Variants in KLHL29 observed in about 807,000 individuals in gnomAD.
KLHL29 encodes the protein kelch like family member 29, also known as kelch-like protein 29.
Under a neutral mutation model 80.4 loss-of-function variants are expected in KLHL29, and 21 were observed. That is an observed-to-expected ratio of 0.26 (90% CI 0.19 to 0.38). The LOEUF (loss-of-function observed/expected upper bound fraction) is 0.38. Among genes scored for constraint, KLHL29 ranks in the 10% least tolerant of loss-of-function variants. KLHL29 has a pLI of 1.00. For missense variants in KLHL29, 867 were observed against 1,223.9 expected (o/e 0.71, Z 4.35); for synonymous variants, 511 against 526.8 (o/e 0.97, Z 0.41).
chr2:23,619,545 G>A (rs1439330775), intron 3 of KLHL29, among the ~76,000 whole-genome samples: 2 of 152,196 alleles, frequency 1.3e-5, no homozygotes, highest in Non-Finnish European at 2.9e-5. Flanking sequence ...GAAGCAGGCT[G>A]TGCCCATGAT....
In KLHL29 at chr2:23,490,548, G is replaced by A. The variant is rs77697552; in HGVS notation, c.-46+14881G>A. 3.8e-3 allele frequency among the ~76,000 whole-genome samples: 578 copies of A among 152,182 alleles called. 6 individuals carry two copies. Among genetic ancestry groups the A allele is most frequent in the African/African-American group, 0.013 (554 of 41,512 alleles). On this transcript the variant is annotated intron_variant, in intron 2 of 13. Coordinates refer to ENST00000486442, the MANE Select transcript of KLHL29 (RefSeq NM_052920.2). ...AGGTAATTAGGCTTTGTTTTTTTCC[G>A]CTGCTTGGTCAAAAGCCCCCTTCTC...
chr2:23,410,139 C>G (rs1298703902), intron 1 of KLHL29, among the ~76,000 whole-genome samples: 1 of 152,180 alleles, frequency 6.6e-6, no homozygotes, highest in Admixed American at 6.5e-5. Flanking sequence ...GTCTTTATTG[C>G]AAGAGCACTG....
chr2:23,495,709 G>A (rs746576076), intron 2 of KLHL29, among the ~76,000 whole-genome samples: 4 of 152,146 alleles, frequency 2.6e-5, no homozygotes, highest in Non-Finnish European at 5.9e-5. Context: ...ATCGTGTCAG[G>A]GCCAGGGCTC....
Position 23,703,711 on chromosome 2 carries a change from C to T in KLHL29, c.2300-8C>T, listed in dbSNP as rs1403870445. The T allele has an allele frequency of 8.5e-6, 13 of 1,534,160 alleles. No homozygotes were observed. Among genetic ancestry groups the T allele is most frequent in the Non-Finnish European group, 1.1e-5 (13 of 1,145,464 alleles). On this transcript the variant is annotated splice_region_variant and splice_polypyrimidine_tract_variant and intron_variant, in intron 12 of 13. Transcript: ENST00000486442. The stretch of plus-strand genomic sequence containing the variant: ...TGCCGTGACCTGCCTGCTCTGCTCT[C>T]CTCACAGACAACAAGTATGCCCCCG...
At chr2:23,386,311 G>A (rs1666181642) in intron 1 of KLHL29, among the ~76,000 whole-genome samples, 1 of 152,144 alleles carries the variant, frequency 6.6e-6, no homozygotes. Flanking sequence ...CGCGTCCTCT[G>A]ATCTCGCATT....
chr2:23,601,000 G>C (rs1446028715), intron 3 of KLHL29, among the ~76,000 whole-genome samples: 7 of 152,220 alleles, frequency 4.6e-5, no homozygotes, highest in African/African-American at 1.7e-4. Context: ...ACAACCCTGT[G>C]ATGTAGGTAT....
chr2:23,623,251 C>G (rs990145078), intron 3 of KLHL29, among the ~76,000 whole-genome samples: 1 of 152,180 alleles, frequency 6.6e-6, no homozygotes, highest in African/African-American at 2.4e-5. Flanking sequence ...CTCATGGTGC[C>G]CAGCATCCCT....
At chr2:23,602,230 A>ACGT (rs1668590336) in intron 3 of KLHL29, among the ~76,000 whole-genome samples, 1 of 152,146 alleles carries the variant, frequency 6.6e-6, no homozygotes, top group African/African-American at 2.4e-5. Flanking sequence ...GCAAGACATG[A>ACGT]CGTCGTTCCT....
chr2:23,461,067 C>A, intron 1 of KLHL29, among the ~76,000 whole-genome samples: 1 of 152,206 alleles, frequency 6.6e-6, no homozygotes, highest in Non-Finnish European at 1.5e-5. Flanking sequence ...CGGTGGCTGA[C>A]AAAATCAAAC....
chr2:23,451,366 G>A (rs543819068), intron 1 of KLHL29, among the ~76,000 whole-genome samples: 2 of 152,266 alleles, frequency 1.3e-5, no homozygotes, highest in South Asian at 4.2e-4. Context: ...TTCCCTGAAG[G>A]CCTTTCTAGC....
Position 23,669,781 on chromosome 2 carries a change from G to C in KLHL29, c.941-14618G>C, listed in dbSNP as rs777851822. 6.6e-6 allele frequency among the ~76,000 whole-genome samples: 1 copy of C among 152,160 alleles called. No homozygotes were observed. Among genetic ancestry groups the C allele is most frequent in the Non-Finnish European group, 1.5e-5 (1 of 68,032 alleles). ...GCCCCCAGAACCCAGGGCTGCAGCC[G>C]AGTACACAGGCCTGGCCCCGCCAGC... On this transcript the variant is annotated intron_variant, in intron 5 of 13. Transcript: ENST00000486442. The surrounding 1 kb of genome is among the most constrained non-coding windows in gnomAD (Gnocchi z 4.3).
chr2:23,543,839 C>T (rs1666913464), intron 2 of KLHL29, among the ~76,000 whole-genome samples: 1 of 152,124 alleles, frequency 6.6e-6, no homozygotes, highest in African/African-American at 2.4e-5. Flanking sequence ...TCCACCACTC[C>T]AGATGCTGGT....
intron 3 of KLHL29, among the ~76,000 whole-genome samples, chr2:23,620,074 C>T (rs1408384431): frequency 6.6e-6 from 1 of 152,152 alleles, no homozygotes; most frequent in African/African-American, 2.4e-5. Flanking sequence ...GGCCACTGAG[C>T]TGAGTCCCTG....
chr2:23,429,827 C>T (rs2103407557), intron 1 of KLHL29, among the ~76,000 whole-genome samples: 1 of 152,234 alleles, frequency 6.6e-6, no homozygotes, highest in South Asian at 2.1e-4. Context: ...CTATAACACC[C>T]CTTTCCCTTC....
intron 5 of KLHL29, among the ~76,000 whole-genome samples, chr2:23,646,745 C>T (rs1669945428): frequency 6.6e-6 from 1 of 152,208 alleles, no homozygotes; most frequent in South Asian, 2.1e-4. Context: ...TGCATTCATC[C>T]CTGTCTTCAC....
intron 1 of KLHL29, among the ~76,000 whole-genome samples, chr2:23,405,886 A>T (rs1237484072): frequency 6.6e-6 from 1 of 152,208 alleles, no homozygotes; most frequent in Admixed American, 6.5e-5. Context: ...GCCTTAAAGG[A>T]TGGGTAGGTG....
chr2:23,579,716 G>A (rs1474407335), intron 3 of KLHL29, among the ~76,000 whole-genome samples: 1 of 151,914 alleles, frequency 6.6e-6, no homozygotes, highest in Non-Finnish European at 1.5e-5. Flanking sequence ...TTCTAAATGT[G>A]CAGTTACTCC....
At chr2:23,564,046 A>G (rs774106601) in intron 3 of KLHL29, among the ~76,000 whole-genome samples, 5 of 152,200 alleles carry the variant, frequency 3.3e-5, no homozygotes, top group African/African-American at 4.8e-5. Context: ...TGTTGGCCAT[A>G]TGGAGAATGG....
At position 23,407,700 on chromosome 2, in the gene KLHL29, G is replaced by A. The variant is rs1032290176; in HGVS notation, c.-154+21920G>A. Among the ~76,000 whole-genome samples the A allele has an allele frequency of 5.3e-5, 8 of 152,008 alleles. No individual in the cohort carries two copies. The South Asian group carries it at 8.3e-4, about 16-fold the overall frequency. ...CCCCATCCTGGCTTTGGATATCTGCGCAGTTGCATTTTCTTCTAATTGTTT... is the reference window on the plus strand; with the variant it reads ...CCCCATCCTGGCTTTGGATATCTGCACAGTTGCATTTTCTTCTAATTGTTT... On this transcript the variant is annotated intron_variant, in intron 1 of 13. Transcript: ENST00000486442.
Sources: allele counts gnomAD v4.1 joint callset (sites outside exome capture counted in the v4.1 genomes callset), GRCh38; gene constraint gnomAD v4.1.1; non-coding constraint Gnocchi (gnomAD v3.1); transcripts MANE v1.5; gene names NCBI Gene and HGNC (gene_info 2026-07-23, HGNC 2026-07-21).